The following WWOX variants were observed in gnomAD, a reference collection of about 807,000 sequenced individuals.
WWOX encodes WW domain containing oxidoreductase.
In WWOX, 69 loss-of-function variants were observed where a neutral mutation model predicts 46.2. The ratio of observed to expected loss-of-function variants is 1.49; its 90% CI spans 1.23 to 1.82. The LOEUF is 1.82. WWOX is among the 40% of genes most tolerant of loss of function. WWOX has a pLI of 0.00. For synonymous variants in WWOX, 359 were observed against 202.6 expected (o/e 1.77, Z -6.56); for missense variants, 919 against 542.6 (o/e 1.69, Z -6.89).
intron 8 of WWOX, among the ~76,000 whole-genome samples, chr16:78,828,177 G>A (rs550195275): frequency 7.2e-5 from 11 of 152,228 alleles, no homozygotes; most frequent in East Asian, 3.9e-4. Flanking sequence ...TAATCTGTAC[G>A]CCCCACAGGA....
At chr16:78,313,992 TC>T (rs2080303116) in intron 5 of WWOX, among the ~76,000 whole-genome samples, 2 of 152,202 alleles carry the variant, frequency 1.3e-5, no homozygotes, top group African/African-American at 4.8e-5. Context: ...TCCTGGCTGT[TC>T]CGCTTTCTAA....
chr16:79,203,236 C>T (rs977516712), intron 8 of WWOX: 32 of 152,294 alleles, frequency 2.1e-4, no homozygotes, highest in African/African-American at 7.5e-4. Context: ...ATAAATGAGA[C>T]ACTCTCCACA....
chr16:78,816,973 C>T (rs981946220), intron 8 of WWOX, among the ~76,000 whole-genome samples: 20 of 151,986 alleles, frequency 1.3e-4, no homozygotes, highest in African/African-American at 4.1e-4. Flanking sequence ...ATACCTTGGG[C>T]CTGAGCTATT....
chr16:79,071,616 G>C (rs2048552961), intron 8 of WWOX, among the ~76,000 whole-genome samples: 1 of 152,216 alleles, frequency 6.6e-6, no homozygotes, highest in Admixed American at 6.5e-5. Flanking sequence ...ACACGCTCAG[G>C]CTTGTAGTCA....
At chr16:79,036,874 G>GT (rs1456321027) in intron 8 of WWOX, among the ~76,000 whole-genome samples, 1 of 152,224 alleles carries the variant, frequency 6.6e-6, no homozygotes, top group African/African-American at 2.4e-5. Flanking sequence ...ATCAGATTCA[G>GT]TGGAAGTGCC....
intron 5 of WWOX, chr16:78,278,713 G>C (rs1184595398): frequency 6.6e-7 from 1 of 1,517,920 alleles, no homozygotes; most frequent in South Asian, 1.2e-5. Context: ...ATCTTCTTTT[G>C]TGGGTATTTC....
intron 6 of WWOX, among the ~76,000 whole-genome samples, chr16:78,404,459 C>T (rs1305097003): frequency 1.3e-5 from 2 of 152,078 alleles, no homozygotes; most frequent in East Asian, 1.9e-4. Context: ...AACCAATTCC[C>T]TCTTTAAATA....
intron 8 of WWOX, among the ~76,000 whole-genome samples, chr16:78,704,371 T>A (rs528938600): frequency 1.3e-5 from 2 of 152,194 alleles, no homozygotes; most frequent in Non-Finnish European, 2.9e-5. Flanking sequence ...ATCTGCATTT[T>A]CACAATGCTT....
chr16:78,864,298 G>A (rs1483776626), intron 8 of WWOX, among the ~76,000 whole-genome samples: 2 of 146,750 alleles, frequency 1.4e-5, no homozygotes, highest in Admixed American at 1.4e-4. Context: ...AGAGAATCTT[G>A]CTCTGTTGCC....
At chr16:79,091,518 C>T (rs1212263596) in intron 8 of WWOX, among the ~76,000 whole-genome samples, 1 of 152,040 alleles carries the variant, frequency 6.6e-6, no homozygotes, top group Non-Finnish European at 1.5e-5. Context: ...TGGCTCTTGG[C>T]TTGAGGCTTA....
chr16:78,913,261 G>T (rs1248324028), intron 8 of WWOX, among the ~76,000 whole-genome samples: 1 of 151,936 alleles, frequency 6.6e-6, no homozygotes, highest in Non-Finnish European at 1.5e-5. Context: ...CATAAGCAGA[G>T]GCCCCAAGAC....
At chr16:78,756,953 C>A in intron 8 of WWOX, 1 of 702,996 alleles carries the variant, frequency 1.4e-6, no homozygotes, top group Admixed American at 2.0e-5. Context: ...AAGCCAGCTG[C>A]CATGTTGGGA....
At chr16:79,011,372 G>A (rs565439955) in intron 8 of WWOX, among the ~76,000 whole-genome samples, 29 of 151,636 alleles carry the variant, frequency 1.9e-4, no homozygotes, top group Non-Finnish European at 3.4e-4. Flanking sequence ...GCCCCCTTTG[G>A]AACTTCTGTT....
intron 8 of WWOX, among the ~76,000 whole-genome samples, chr16:78,939,582 G>C (rs1172662825): frequency 6.6e-6 from 1 of 152,128 alleles, no homozygotes; most frequent in Non-Finnish European, 1.5e-5. Context: ...TTTGTATATG[G>C]CTACTGAAAT....
At chr16:78,801,416 G>A (rs1453192457) in intron 8 of WWOX, among the ~76,000 whole-genome samples, 2 of 152,142 alleles carry the variant, frequency 1.3e-5, no homozygotes, top group Admixed American at 6.5e-5. Flanking sequence ...GGCTGAGGCA[G>A]GAAGGTCACT....
intron 5 of WWOX, among the ~76,000 whole-genome samples, chr16:78,352,050 A>G (rs1004926360): frequency 6.6e-6 from 1 of 152,132 alleles, no homozygotes; most frequent in Non-Finnish European, 1.5e-5. Flanking sequence ...AGTCAGCGAG[A>G]CAGTAGAGAG....
intron 8 of WWOX, among the ~76,000 whole-genome samples, chr16:78,936,063 A>G (rs1016666242): frequency 2.6e-5 from 4 of 152,248 alleles, no homozygotes; most frequent in South Asian, 2.1e-4. Context: ...GAGACTGGCC[A>G]TAAGTTGGGA....
intron 8 of WWOX, among the ~76,000 whole-genome samples, chr16:78,590,719 G>A (rs541320864): frequency 2.0e-5 from 3 of 152,296 alleles, no homozygotes; most frequent in East Asian, 1.9e-4. Context: ...CGTTGTTGAC[G>A]TGAAGGAGTT....
At position 78,526,096 on chromosome 16, in the gene WWOX, C is replaced by T. The variant is rs578149328; in HGVS notation, c.1056+93344C>T. On this transcript the variant is annotated intron_variant, in intron 8 of 8. Coordinates refer to ENST00000566780, the MANE Select transcript of WWOX (RefSeq NM_016373.4). The stretch of plus-strand genomic sequence containing the variant: ...TGCATGCTCACACACCAGCCCTGGT[C>T]ATCAGTGAACAGATTCTTCCAGGTC... 5.9e-5 allele frequency: 9 copies of T among 152,278 alleles called. No individual in the cohort carries two copies. In the East Asian group the frequency reaches 1.7e-3, roughly 29 times the overall value. The allele number at this position is 152,278 out of a possible 1,614,324, so 9.4% of individuals were successfully genotyped here.
Sources: allele counts gnomAD v4.1 joint callset (sites outside exome capture counted in the v4.1 genomes callset), GRCh38; gene constraint gnomAD v4.1.1; transcripts MANE v1.5; gene names NCBI Gene and HGNC (gene_info 2026-07-23, HGNC 2026-07-21).